The following URI1 variants were observed in gnomAD, a reference collection of about 807,000 sequenced individuals.
URI1 encodes the protein URI1 prefoldin like chaperone, also known as unconventional prefoldin RPB5 interactor 1.
Under a neutral mutation model 60.2 loss-of-function variants are expected in URI1, and 39 were observed. The ratio of observed to expected loss-of-function variants is 0.65; its 90% CI spans 0.50 to 0.85. The LOEUF is 0.85. Among genes scored for constraint, URI1 ranks in the 40% least tolerant of loss-of-function variants. The pLI is 0.00. For synonymous variants in URI1, 251 were observed against 236.8 expected, an observed-to-expected ratio of 1.06 and a Z score of -0.55; for missense variants, 691 against 665.9, an observed-to-expected ratio of 1.04 and a Z score of -0.42.
At chr19:29,983,669 T>A (rs986168366) in intron 2 of URI1, among the ~76,000 whole-genome samples, 17 of 152,196 alleles carry the variant, frequency 1.1e-4, no homozygotes, top group African/African-American at 4.1e-4. Context: ...GCAGCCTGTA[T>A]CTTAGCAGGG....
intron 2 of URI1, among the ~76,000 whole-genome samples, chr19:29,972,600 T>C (rs994539203): frequency 3.3e-5 from 5 of 152,270 alleles, no homozygotes; most frequent in African/African-American, 9.6e-5. Flanking sequence ...AAGATTCTTA[T>C]TAGAGTTCTT....
At chr19:29,948,146 G>C (rs1433998902) in intron 1 of URI1, among the ~76,000 whole-genome samples, 1 of 152,218 alleles carries the variant, frequency 6.6e-6, no homozygotes, top group Admixed American at 6.5e-5. Context: ...AACCTACACT[G>C]TCTAAATCAT....
At chr19:30,000,082 T>C (rs1028164560) in intron 4 of URI1, among the ~76,000 whole-genome samples, 5 of 152,016 alleles carry the variant, frequency 3.3e-5, no homozygotes, top group African/African-American at 1.2e-4. Flanking sequence ...TCTAATCTTT[T>C]TGCTATTGTT....
intron 2 of URI1, among the ~76,000 whole-genome samples, chr19:29,973,871 TA>T (rs1407537175): frequency 2.0e-5 from 3 of 152,186 alleles, no homozygotes; most frequent in Non-Finnish European, 4.4e-5. Flanking sequence ...AGTGAGGATT[TA>T]AAAAATGTTT....
chr19:29,962,613 T>G (rs1175712629), intron 1 of URI1, among the ~76,000 whole-genome samples: 2 of 151,300 alleles, frequency 1.3e-5, no homozygotes, highest in African/African-American at 4.8e-5. Flanking sequence ...TTTTTTTTTA[T>G]CCTGTACCTT....
intron 4 of URI1, among the ~76,000 whole-genome samples, chr19:29,992,070 T>C (rs2055753451): frequency 6.6e-6 from 1 of 152,164 alleles, no homozygotes; most frequent in Non-Finnish European, 1.5e-5. Context: ...AAAGTGGGTT[T>C]CTTTTTTTTG....
At chr19:29,990,352 A>G (rs965049802) in intron 4 of URI1, among the ~76,000 whole-genome samples, 1 of 152,216 alleles carries the variant, frequency 6.6e-6, no homozygotes, top group Non-Finnish European at 1.5e-5. Context: ...TCAGCAAGTT[A>G]AACATTGTGT....
intron 1 of URI1, among the ~76,000 whole-genome samples, chr19:29,961,991 G>A (rs770472839): frequency 3.9e-5 from 6 of 152,056 alleles, no homozygotes; most frequent in African/African-American, 1.4e-4. Flanking sequence ...GGCTGCTTTC[G>A]ATTCTTCTGG....
chr19:29,959,159 G>A (rs935356002), intron 1 of URI1, among the ~76,000 whole-genome samples: 1 of 151,906 alleles, frequency 6.6e-6, no homozygotes, highest in South Asian at 2.1e-4. Context: ...ACAGAATCTC[G>A]CTCTCATCCA....
chr19:29,981,901 TATAA>T (rs1234109225), intron 2 of URI1, among the ~76,000 whole-genome samples: 2 of 152,242 alleles, frequency 1.3e-5, no homozygotes, highest in Non-Finnish European at 2.9e-5. Flanking sequence ...CAAATTTTGT[TATAA>T]ATAAAGACCC....
intron 1 of URI1, among the ~76,000 whole-genome samples, chr19:29,935,295 A>G (rs1177949270): frequency 1.3e-5 from 2 of 151,828 alleles, no homozygotes; most frequent in Non-Finnish European, 2.9e-5. Flanking sequence ...CTTTGCTCCT[A>G]TACATCTCTT....
At chr19:29,995,368 A>G (rs1230621100) in intron 4 of URI1, among the ~76,000 whole-genome samples, 3 of 151,894 alleles carry the variant, frequency 2.0e-5, no homozygotes, top group African/African-American at 2.4e-5. Flanking sequence ...CATGTATATC[A>G]TCTTTGGAGA....
chr19:29,940,337 A>G (rs889096233), upstream of URI1, among the ~76,000 whole-genome samples: 1 of 152,040 alleles, frequency 6.6e-6, no homozygotes. Context: ...TTATGGGAGC[A>G]CTTTTGAAGA....
At chr19:29,971,799 C>T (rs1021095790) in intron 2 of URI1, among the ~76,000 whole-genome samples, 1 of 151,124 alleles carries the variant, frequency 6.6e-6, no homozygotes, top group East Asian at 1.9e-4. Flanking sequence ...GGAAAATGCT[C>T]GATTTAATGG....
chr19:29,930,028 C>T (rs2054903315), intron 1 of URI1, among the ~76,000 whole-genome samples: 1 of 151,250 alleles, frequency 6.6e-6, no homozygotes, highest in Non-Finnish European at 1.5e-5. Flanking sequence ...CAACCTCTGC[C>T]TCCAGGGTTC....
At chr19:29,985,153 AAAAAAAAAAAAAAAAAAAAAAAAAG>A in intron 2 of URI1, 45 bp from the exon 3 acceptor site, 6 of 375,672 alleles carry the variant, frequency 1.6e-5, no homozygotes, top group South Asian at 5.4e-5. Context: ...AAAAAAAAAA[AAAAAAAAAAAAAAAAAAAAAAAAAG>A]AAAAATCGTT....
At chr19:29,940,857 A>ACAG (rs1245076347), upstream of URI1, among the ~76,000 whole-genome samples, 2 of 152,078 alleles carry the variant, frequency 1.3e-5, no homozygotes, top group Middle Eastern at 3.2e-3. Flanking sequence ...ATTACAAGGG[A>ACAG]CAAGAGTAGG....
In URI1 at chr19:30,009,243, G is replaced by A. The variant is rs778801300; in HGVS notation, c.925G>A (p.Asp309Asn). ...TGATGATGATGATGATGATGACGAC[G>A]ACGACGACAACATTGACGACGATGA... ...DDDDDDDDDD[D>N]DDNIDDDDGD... The change falls in exon 8 of 11, where the codon GAC (aspartate) becomes AAC (asparagine). Residue 309 changes from aspartate (D) to asparagine (N), a missense_variant. By Grantham distance (23) the Asp-to-Asn change is conservative (BLOSUM62 1). Coordinates refer to ENST00000392271, the MANE Select transcript of URI1 (RefSeq NM_003796.3). 7 of 1,613,492 alleles carry A rather than the reference G, an allele frequency of 4.3e-6. No homozygotes were observed. Among genetic ancestry groups the A allele is most frequent in the South Asian group, 2.2e-5 (2 of 91,040 alleles).
intron 5 of URI1, 23 bp downstream of exon 5, chr19:30,005,475 C>T (rs777925207): frequency 6.5e-7 from 1 of 1,545,670 alleles, no homozygotes; most frequent in Admixed American, 2.1e-5. Context: ...TTTTAGTCTT[C>T]TATATTTTTA....
Sources: allele counts gnomAD v4.1 joint callset (sites outside exome capture counted in the v4.1 genomes callset), GRCh38; gene constraint gnomAD v4.1.1; transcripts MANE v1.5; gene names NCBI Gene and HGNC (gene_info 2026-07-23, HGNC 2026-07-21).